Variants in BCAS1 observed in about 807,000 individuals in gnomAD.
BCAS1 encodes the protein brain enriched myelin associated protein 1, also known as breast carcinoma-amplified sequence 1.
Under a neutral mutation model 65.4 loss-of-function variants are expected in BCAS1, and 46 were observed. The observed-to-expected ratio is 0.70, with a 90% CI of 0.55 to 0.90. The LOEUF (loss-of-function observed/expected upper bound fraction) is 0.90. Ranked by LOEUF, BCAS1 falls within the 40% of genes least tolerant of loss-of-function variation. The pLI, the probability that BCAS1 is intolerant of heterozygous loss-of-function variation, is 0.00. For missense variants in BCAS1, 793 were observed against 771.2 expected (o/e 1.03, Z -0.33); for synonymous variants, 298 against 293.5 (o/e 1.02, Z -0.16).
chr20:53,996,055 G>C lies in BCAS1; in HGVS notation c.724-5C>G, dbSNP rs1337924130. On this transcript the variant is annotated splice_region_variant and splice_polypyrimidine_tract_variant and intron_variant, in intron 4 of 12. Coordinates refer to ENST00000688948, the MANE Select transcript of BCAS1 (RefSeq NM_001366298.2). Reference sequence around the variant, plus strand: ...TTCCTTGCCGTCAACTATGTCCTAGGGGCAAAACAGTTGTCACAGTTGCCA... The same window carrying C: ...TTCCTTGCCGTCAACTATGTCCTAGCGGCAAAACAGTTGTCACAGTTGCCA... 1.3e-6 allele frequency: 2 copies of C among 1,575,618 alleles called. No homozygotes were observed. Among genetic ancestry groups the C allele is most frequent in the Non-Finnish European group, 8.6e-7 (1 of 1,160,530 alleles).
At position 53,957,489 on chromosome 20, in the gene BCAS1, T is replaced by G. The variant is rs1322193284; in HGVS notation, c.1494A>C (p.Lys498Asn). The change falls in exon 11 of 13, where the codon AAA becomes AAC. Residue 498 changes from lysine to asparagine, a missense_variant. Coordinates refer to ENST00000688948, the MANE Select transcript of BCAS1 (RefSeq NM_001366298.2). ...LMAFLRQMSV[K>N]GDGGITHSEE... ...CTGAGTGGGTGATCCCTCCATCCCC[T>G]TTCACTGACTAAAATAACAAACAGA... 6.2e-7 allele frequency: 1 copy of G among 1,613,892 alleles called. No homozygotes were observed. The highest frequency in any genetic ancestry group is 8.5e-7 in the Non-Finnish European group (1 of 1,179,836).
At chr20:53,961,237 T>C (rs1276394942) in intron 10 of BCAS1, among the ~76,000 whole-genome samples, 1 of 152,236 alleles carries the variant, frequency 6.6e-6, no homozygotes, top group East Asian at 1.9e-4. Context: ...TTGAAGGGAA[T>C]GTTAATGTAT....
chr20:53,968,255 A>C (rs2090089695), intron 9 of BCAS1, among the ~76,000 whole-genome samples: 1 of 152,206 alleles, frequency 6.6e-6, no homozygotes, highest in African/African-American at 2.4e-5. Context: ...AATATTTACT[A>C]TCTGGCCCTT....
intron 4 of BCAS1, among the ~76,000 whole-genome samples, chr20:54,001,857 T>C (rs1282279558): frequency 3.9e-5 from 6 of 152,266 alleles, no homozygotes; most frequent in East Asian, 1.9e-4. Flanking sequence ...AAATAACCCA[T>C]TGGCAGTTAC....
At chr20:53,997,034 A>G (rs549181376) in intron 4 of BCAS1, among the ~76,000 whole-genome samples, 28 of 152,342 alleles carry the variant, frequency 1.8e-4, no homozygotes, top group African/African-American at 6.3e-4. Flanking sequence ...CCTTAAGGTC[A>G]TAAGTGTCAT....
intron 3 of BCAS1, among the ~76,000 whole-genome samples, chr20:54,050,490 G>C (rs921531696): frequency 1.3e-5 from 2 of 152,226 alleles, no homozygotes; most frequent in African/African-American, 4.8e-5. Flanking sequence ...TTAATCCCAA[G>C]AGGGCGAAAA....
chr20:54,015,156 C>T (rs966644377), intron 4 of BCAS1, among the ~76,000 whole-genome samples: 9 of 151,868 alleles, frequency 5.9e-5, no homozygotes, highest in African/African-American at 9.7e-5. Context: ...CCTCAGCCTC[C>T]GAGTAACTGG....
chr20:54,052,198 A>G (rs1323519794), intron 3 of BCAS1, among the ~76,000 whole-genome samples: 1 of 152,218 alleles, frequency 6.6e-6, no homozygotes, highest in Non-Finnish European at 1.5e-5. Flanking sequence ...AGCCTCCACC[A>G]TGATGAAGGT....
intron 4 of BCAS1, among the ~76,000 whole-genome samples, chr20:54,000,263 G>T (rs1283769298): frequency 6.6e-6 from 1 of 152,102 alleles, no homozygotes; most frequent in Non-Finnish European, 1.5e-5. Flanking sequence ...GAGGATAGAT[G>T]CCAGGCATGC....
At chr20:53,947,973 C>T (rs1353329891) in intron 12 of BCAS1, among the ~76,000 whole-genome samples, 1 of 152,174 alleles carries the variant, frequency 6.6e-6, no homozygotes, top group Non-Finnish European at 1.5e-5. Context: ...CAGCACCATT[C>T]ACTTCATTGA....
intron 12 of BCAS1, 104 bp downstream of exon 12, chr20:53,953,328 T>C (rs2089588532): frequency 7.2e-7 from 1 of 1,395,906 alleles, no homozygotes; most frequent in Non-Finnish European, 9.8e-7. Flanking sequence ...AGACCCGGGA[T>C]CCCAGTGTGA....
chr20:54,011,418 A>C (rs866210860), intron 4 of BCAS1, among the ~76,000 whole-genome samples: 1 of 152,186 alleles, frequency 6.6e-6, no homozygotes. Context: ...ATCCAATTAG[A>C]AAATGGGCAA....
rs1435239898 is a variant in BCAS1, at chr20:54,065,303, GA to G, written c.-6+5129del. On this transcript the variant is annotated intron_variant, in intron 1 of 12. Coordinates refer to ENST00000688948, the MANE Select transcript of BCAS1 (RefSeq NM_001366298.2). Reference sequence around the variant, plus strand: ...TGGATATCTTGTCCTATTCCTCGATGACTTACATTGCTTTGCTAAACGTTTT... The same window carrying G: ...TGGATATCTTGTCCTATTCCTCGATGCTTACATTGCTTTGCTAAACGTTTT... 3.3e-5 allele frequency among the ~76,000 whole-genome samples: 5 copies of G among 152,210 alleles called. No individual in the cohort carries two copies. The East Asian group carries it at 9.7e-4, about 29-fold the overall frequency.
chr20:54,066,279 A>G (rs62215595), intron 1 of BCAS1, among the ~76,000 whole-genome samples: 2,587 of 152,244 alleles, frequency 0.017, 44 homozygotes, highest in Non-Finnish European at 0.023. Context: ...TCCCCGTGTT[A>G]GCCAGGATGG....
chr20:53,963,166 TGA>T (rs1372825265), intron 10 of BCAS1, among the ~76,000 whole-genome samples: 1 of 151,728 alleles, frequency 6.6e-6, no homozygotes, highest in Non-Finnish European at 1.5e-5. Context: ...TTTATTTTTA[TGA>T]GCAGTAAATT....
At chr20:54,041,462 G>T (rs900084914) in intron 3 of BCAS1, among the ~76,000 whole-genome samples, 2 of 141,036 alleles carry the variant, frequency 1.4e-5, no homozygotes, top group African/African-American at 4.9e-5. Flanking sequence ...CTTTTAAGCA[G>T]AAGAAAAGAT....
At chr20:54,007,656 G>T (rs2091229632) in intron 4 of BCAS1, among the ~76,000 whole-genome samples, 1 of 152,210 alleles carries the variant, frequency 6.6e-6, no homozygotes, top group South Asian at 2.1e-4. Flanking sequence ...CTCTTCCTGA[G>T]TGAGAGTTTT....
intron 3 of BCAS1, among the ~76,000 whole-genome samples, chr20:54,043,295 A>G (rs993399290): frequency 5.4e-4 from 68 of 126,742 alleles, no homozygotes; most frequent in Non-Finnish European, 9.3e-4. Flanking sequence ...AGCTATGATA[A>G]CTTGATGATG....
intron 8 of BCAS1, among the ~76,000 whole-genome samples, chr20:53,975,992 G>A (rs907475157): frequency 2.6e-5 from 4 of 152,198 alleles, no homozygotes; most frequent in African/African-American, 9.7e-5. Flanking sequence ...TCTAGGCCAA[G>A]TTCATTAGGT....
Sources: gnomAD v4.1 joint callset for allele counts (sites outside exome capture counted in the v4.1 genomes callset) on GRCh38, gnomAD v4.1.1 for gene constraint, MANE v1.5 for transcripts, NCBI Gene and HGNC (gene_info 2026-07-23, HGNC 2026-07-21) for gene names.